Variants in LPIN1 observed in about 807,000 individuals in gnomAD.
LPIN1 encodes phosphatidate phosphatase LPIN1.
Under a neutral mutation model 107.5 loss-of-function variants are expected in LPIN1, and 71 were observed. The ratio of observed to expected loss-of-function variants is 0.66; its 90% confidence interval spans 0.55 to 0.80. The LOEUF (loss-of-function observed/expected upper bound fraction) is 0.80, where lower values mean the gene tolerates loss of function less well. Ranked by LOEUF, LPIN1 falls within the 30% of genes least tolerant of loss-of-function variation. The probability of loss-of-function intolerance (pLI) is 0.00; values close to 1 mark genes in which losing one functional copy is unlikely to be tolerated. For synonymous variants in LPIN1, 445 were observed against 452.6 expected (o/e 0.98, Z 0.21); for missense variants, 1,043 against 1,160.6 (o/e 0.90, Z 1.47).
At chr2:11,822,749 C>A (rs1293188737) in intron 20 of LPIN1, among the ~76,000 whole-genome samples, 1 of 152,146 alleles carries the variant, frequency 6.6e-6, no homozygotes, top group African/African-American at 2.4e-5. Context: ...AACTTTGAAC[C>A]AATGAGACGC....
intron 20 of LPIN1, among the ~76,000 whole-genome samples, chr2:11,823,342 A>C (rs1011065019): frequency 1.3e-5 from 2 of 152,224 alleles, no homozygotes; most frequent in East Asian, 3.8e-4. Flanking sequence ...CTGCTGCCGC[A>C]GCCACAAACC....
chr2:11,692,646 C>G (rs1041431358), intron 1 of LPIN1, among the ~76,000 whole-genome samples: 3 of 145,776 alleles, frequency 2.1e-5, no homozygotes, highest in African/African-American at 8.5e-5. Flanking sequence ...TCTTTCCTCC[C>G]CCACCTGCTG....
intron 1 of LPIN1, among the ~76,000 whole-genome samples, chr2:11,762,426 G>A (rs1297754851): frequency 1.8e-5 from 2 of 109,114 alleles, no homozygotes; most frequent in Non-Finnish European, 3.9e-5. Context: ...CTCCCTGGAG[G>A]TTGGGGGTGG....
chr2:11,805,887 C>G lies in LPIN1; in HGVS notation c.2249+731C>G, dbSNP rs951199288. Reference sequence around the variant, plus strand: ...AGAGCCCTGCAGGGATTCTCCATGCCCCGCCCCTTCCGAAACACCCCCATT... The same window carrying G: ...AGAGCCCTGCAGGGATTCTCCATGCGCCGCCCCTTCCGAAACACCCCCATT... On this transcript the variant is annotated intron_variant, in intron 17 of 20. Coordinates refer to ENST00000674199, the MANE Select transcript of LPIN1 (RefSeq NM_001349206.2). 2.0e-5 allele frequency among the ~76,000 whole-genome samples: 3 copies of G among 152,132 alleles called. No individual in the cohort carries two copies. The East Asian group carries it at 5.8e-4, about 29-fold the overall frequency.
chr2:11,808,393 A>G (rs1679079497), intron 17 of LPIN1, among the ~76,000 whole-genome samples: 1 of 152,184 alleles, frequency 6.6e-6, no homozygotes. Context: ...CCACTGTTCT[A>G]GTGACTCCCA....
intron 19 of LPIN1, among the ~76,000 whole-genome samples, 191 bp from the exon 20 acceptor site, chr2:11,820,220 G>A (rs917089733): frequency 6.6e-6 from 1 of 152,156 alleles, no homozygotes; most frequent in Non-Finnish European, 1.5e-5. Flanking sequence ...AACAGATGAG[G>A]GAATTGAGGC....
intron 12 of LPIN1, among the ~76,000 whole-genome samples, chr2:11,790,759 G>C (rs1675578784): frequency 6.6e-6 from 1 of 152,116 alleles, no homozygotes; most frequent in African/African-American, 2.4e-5. Context: ...TTCGTTTTCT[G>C]TTCCTGTGAT....
intron 5 of LPIN1, among the ~76,000 whole-genome samples, 156 bp from the exon 6 acceptor site, chr2:11,775,928 CTT>C (rs1166740027): frequency 2.1e-5 from 3 of 145,386 alleles, no homozygotes; most frequent in Non-Finnish European, 3.0e-5. Flanking sequence ...TTTATATAAT[CTT>C]ATATATAGTC....
At chr2:11,787,270 A>C (rs776665436) in intron 11 of LPIN1, 103 bp downstream of exon 11, 53 of 848,508 alleles carry the variant, frequency 6.2e-5, no homozygotes, top group Non-Finnish European at 1.1e-4. Flanking sequence ...TATAAAATAA[A>C]GACTTTGCTA....
At chr2:11,760,702 G>T (rs1441004285) in intron 1 of LPIN1, among the ~76,000 whole-genome samples, 1 of 152,046 alleles carries the variant, frequency 6.6e-6, no homozygotes, top group Non-Finnish European at 1.5e-5. Flanking sequence ...TGGGGAGAGG[G>T]AGACCATGGG....
At position 11,707,431 on chromosome 2, in the gene LPIN1, C is replaced by T. The variant is rs1663179795; in HGVS notation, c.82-6325C>T. Among the ~76,000 whole-genome samples the T allele has an allele frequency of 1.3e-5, 2 of 152,320 alleles. No homozygotes were observed. Among genetic ancestry groups the T allele is most frequent in the Non-Finnish European group, 1.5e-5 (1 of 68,024 alleles). ...AGGTGAGTCCGGAACCGTGGCCAGACCCCCTGAGGCCACTGTAGGGCCCTG... is the reference window on the plus strand; with the variant it reads ...AGGTGAGTCCGGAACCGTGGCCAGATCCCCTGAGGCCACTGTAGGGCCCTG... On this transcript the variant is annotated intron_variant, in intron 1 of 21. Transcript: ENST00000449576. This position sits in a 1 kb window ranked among gnomAD's most constrained non-coding sequence, Gnocchi z 4.2.
At chr2:11,717,307 A>T (rs992105848) in intron 2 of LPIN1, among the ~76,000 whole-genome samples, 1 of 152,008 alleles carries the variant, frequency 6.6e-6, no homozygotes, top group African/African-American at 2.4e-5. Context: ...AATGCCAATG[A>T]TCTTCTTTCT....
chr2:11,788,330 A>G, intron 11 of LPIN1, 57 bp from the exon 12 acceptor site: 1 of 1,355,256 alleles, frequency 7.4e-7, no homozygotes, highest in Non-Finnish European at 1.1e-6. Context: ...ATGACATTGG[A>G]AAGGTTTTCA....
chr2:11,761,936 G>C (rs180981364), intron 1 of LPIN1, among the ~76,000 whole-genome samples: 5 of 152,052 alleles, frequency 3.3e-5, no homozygotes, highest in Non-Finnish European at 1.5e-5. Context: ...CACCAACTGG[G>C]TGCCTATAAT....
upstream of LPIN1, among the ~76,000 whole-genome samples, chr2:11,745,610 T>G (rs1028115445): frequency 1.3e-5 from 2 of 152,184 alleles, no homozygotes; most frequent in African/African-American, 4.8e-5. Flanking sequence ...CTTGAGAGGC[T>G]GAGGCAGGAG....
chr2:11,824,227 T>C (rs1222634653), intron 20 of LPIN1, among the ~76,000 whole-genome samples: 1 of 151,904 alleles, frequency 6.6e-6, no homozygotes, highest in Admixed American at 6.6e-5. Flanking sequence ...CTTTTCACTA[T>C]GCAATGAAGC....
At chr2:11,708,120 G>T (rs1368995282) in intron 1 of LPIN1, among the ~76,000 whole-genome samples, 1 of 152,086 alleles carries the variant, frequency 6.6e-6, no homozygotes, top group East Asian at 1.9e-4. Context: ...GACAGAGAAG[G>T]AAACTAGGCC....
At chr2:11,776,245 T>C (rs1225132477) in intron 6 of LPIN1, 52 bp downstream of exon 6, 2 of 1,179,832 alleles carry the variant, frequency 1.7e-6, no homozygotes, top group Middle Eastern at 2.5e-4. Flanking sequence ...AAAAATTTGA[T>C]CTAACTCTTA....
At position 11,771,733 on chromosome 2, in the gene LPIN1, C is replaced by A. The variant is rs997729398; in HGVS notation, c.596+54C>A. The stretch of plus-strand genomic sequence containing the variant: ...TGCCAGAATCAGACAGTTAACTGTT[C>A]AAGATTATTTTTATGAACTTTTCCC... On this transcript the variant is annotated intron_variant, in intron 4 of 20. Transcript: ENST00000674199. The surrounding 1 kb of genome is among the most constrained non-coding windows in gnomAD (Gnocchi z 4.8). 2.0e-6 allele frequency: 3 copies of A among 1,480,142 alleles called. No homozygotes were observed. Among genetic ancestry groups the A allele is most frequent in the African/African-American group, 1.4e-5 (1 of 71,522 alleles). 91.7% of individuals were successfully genotyped at this position (1,480,142 alleles called of 1,614,324 possible).
Sources: allele counts gnomAD v4.1 joint callset (sites outside exome capture counted in the v4.1 genomes callset), GRCh38; gene constraint gnomAD v4.1.1; non-coding constraint Gnocchi (gnomAD v3.1); transcripts MANE v1.5; gene names NCBI Gene and HGNC (gene_info 2026-07-23, HGNC 2026-07-21).